Variants in MRRF observed in about 807,000 individuals in gnomAD.
MRRF encodes mitochondrial ribosome recycling factor.
MRRF carries 18 observed loss-of-function variants against 25.1 expected under a neutral mutation model. The ratio of observed to expected loss-of-function variants is 0.72; its 90% CI spans 0.50 to 1.06. The LOEUF (loss-of-function observed/expected upper bound fraction) is 1.06, where lower values mean the gene tolerates loss of function less well. MRRF is among the 50% of genes least tolerant of loss of function. MRRF has a pLI of 0.00. For missense variants in MRRF, 323 were observed against 319.3 expected, an observed-to-expected ratio of 1.01 and a Z score of -0.09; for synonymous variants, 113 against 112.1, an observed-to-expected ratio of 1.01 and a Z score of -0.05.
intron 6 of MRRF, among the ~76,000 whole-genome samples, chr9:122,322,308 A>G (rs1024688015): frequency 6.6e-6 from 1 of 151,976 alleles, no homozygotes; most frequent in Non-Finnish European, 1.5e-5. Context: ...GCTTGCAGTG[A>G]GCCGAGATTG....
At chr9:122,301,894 C>T (rs934939460) in intron 5 of MRRF, among the ~76,000 whole-genome samples, 12 of 151,718 alleles carry the variant, frequency 7.9e-5, no homozygotes, top group South Asian at 2.1e-4. Context: ...CCACCACACC[C>T]GGCTAATTTT....
chr9:122,317,915 T>C (rs1727474556), intron 6 of MRRF, among the ~76,000 whole-genome samples: 1 of 152,006 alleles, frequency 6.6e-6, no homozygotes. Flanking sequence ...AGGCAGGTAG[T>C]TCACAAAGTC....
At position 122,322,731 on chromosome 9, in the gene MRRF, C is replaced by G. The variant is rs1814891915; in HGVS notation, c.*114C>G. ...ACACAGAAGACTGTCACCATGCTGA[C>G]AGAAGCCTGTCCTTGTAAGGCCCAG... On this transcript the variant is annotated 3_prime_UTR_variant, in exon 7 of 7. Transcript: ENST00000344641. The G allele has an allele frequency of 2.4e-5, 22 of 925,928 alleles. No homozygotes were observed. In the South Asian group the frequency reaches 3.1e-4, roughly 13 times the overall value. 57.4% of individuals were successfully genotyped at this position (925,928 alleles called of 1,614,324 possible). A position where few individuals can be genotyped will look rare whatever the true frequency, so the allele number is the denominator to read the frequency against.
intron 5 of MRRF, among the ~76,000 whole-genome samples, chr9:122,306,955 T>C (rs1834885252): frequency 6.6e-6 from 1 of 152,138 alleles, no homozygotes; most frequent in Non-Finnish European, 1.5e-5. Flanking sequence ...AAATTACTAC[T>C]GGTATTAGAA....
At chr9:122,291,024 T>A (rs1376218773) in intron 4 of MRRF, among the ~76,000 whole-genome samples, 1 of 152,186 alleles carries the variant, frequency 6.6e-6, no homozygotes, top group Non-Finnish European at 1.5e-5. Context: ...TATTACTATG[T>A]CCCAGGCACA....
chr9:122,328,157 G>C lies in MRRF; in HGVS notation c.*5540G>C, dbSNP rs543481080. 120 of 152,186 alleles carry C rather than the reference G, an allele frequency of 7.9e-4. No homozygotes were observed. Among genetic ancestry groups the C allele is most frequent in the African/African-American group, 2.7e-3 (114 of 41,508 alleles). 9.4% of individuals were successfully genotyped at this position (152,186 alleles called of 1,614,324 possible). ...TGGCTAACTTTTAAAATTATTTGTA[G>C]AGACAAGGTCTTGGCTATGTTGCCC... is the stretch of plus-strand genomic sequence containing the variant. On this transcript the variant is annotated 3_prime_UTR_variant, in exon 7 of 7. Transcript: ENST00000344641.
chr9:122,285,682 C>A, intron 4 of MRRF: 2 of 1,039,998 alleles, frequency 1.9e-6, no homozygotes, highest in Non-Finnish European at 2.5e-6. Context: ...TTACCTGATA[C>A]TACGATTTTT....
chr9:122,319,984 C>T (rs1463395987), intron 6 of MRRF, among the ~76,000 whole-genome samples: 1 of 151,154 alleles, frequency 6.6e-6, no homozygotes, highest in Non-Finnish European at 1.5e-5. Flanking sequence ...AAGCTATCCT[C>T]CCATCTCAGC....
At chr9:122,312,386 GTTCAC>G (rs111691637) in intron 5 of MRRF, among the ~76,000 whole-genome samples, 3 of 152,188 alleles carry the variant, frequency 2.0e-5, no homozygotes, top group Admixed American at 6.5e-5. Context: ...AAATACAACT[GTTCAC>G]TTCAGAGCTT....
At chr9:122,267,924 AAG>A (rs1477736167) in intron 1 of MRRF, among the ~76,000 whole-genome samples, 3 of 152,216 alleles carry the variant, frequency 2.0e-5, no homozygotes, top group Non-Finnish European at 4.4e-5. Context: ...TGACCTCCCC[AAG>A]GTCACACAGC....
chr9:122,274,868 T>C (rs1051421624), intron 2 of MRRF, among the ~76,000 whole-genome samples: 3 of 152,068 alleles, frequency 2.0e-5, no homozygotes, highest in Non-Finnish European at 2.9e-5. Flanking sequence ...TTTTGATCTC[T>C]CTTTTTTGCA....
intron 6 of MRRF, 144 bp downstream of exon 6, chr9:122,313,530 T>A: frequency 1.0e-6 from 1 of 971,654 alleles, no homozygotes; most frequent in Non-Finnish European, 1.6e-6. Context: ...GTTCTGGGCC[T>A]AGCCTAATGC....
intron 4 of MRRF, among the ~76,000 whole-genome samples, chr9:122,287,745 T>C (rs1278373764): frequency 2.0e-5 from 3 of 152,226 alleles, no homozygotes; most frequent in Non-Finnish European, 4.4e-5. Flanking sequence ...TGAAATTCCA[T>C]GGGTTTTGAA....
At position 122,331,132 on chromosome 9, in the gene MRRF, G is replaced by C. The variant is rs1337837725; in HGVS notation, c.*8515G>C. ...GTCTCTCCACTTCTCTGTGGGAAAG[G>C]CTTGGGCAAGTTCTCTGGTTTCCAA... On this transcript the variant is annotated 3_prime_UTR_variant, in exon 7 of 7. Coordinates refer to ENST00000344641, the MANE Select transcript of MRRF (RefSeq NM_138777.5). 2 of 152,192 alleles carry C rather than the reference G, an allele frequency of 1.3e-5. No homozygotes were observed. The highest frequency in any genetic ancestry group is 1.3e-4 in the Admixed American group (2 of 15,270). The allele number at this position is 152,192 out of a possible 1,614,324, so 9.4% of individuals were successfully genotyped here. A position where few individuals can be genotyped will look rare whatever the true frequency, so the allele number is the denominator to read the frequency against.
intron 6 of MRRF, 123 bp from the exon 7 acceptor site, chr9:122,322,417 C>A: frequency 1.2e-6 from 1 of 859,988 alleles, no homozygotes; most frequent in Non-Finnish European, 1.9e-6. Context: ...CTGACTGGTA[C>A]TTAATGTGAA....
intron 1 of MRRF, chr9:122,265,667 C>A: frequency 1.1e-6 from 1 of 901,062 alleles, no homozygotes; most frequent in Non-Finnish European, 1.6e-6. Flanking sequence ...GAAACAAAAT[C>A]TACGTAGGAG....
intron 5 of MRRF, among the ~76,000 whole-genome samples, chr9:122,303,743 G>A (rs1475774945): frequency 6.6e-6 from 1 of 152,220 alleles, no homozygotes; most frequent in African/African-American, 2.4e-5. Flanking sequence ...GGATCCGAAA[G>A]TTTAAGTAAC....
intron 6 of MRRF, among the ~76,000 whole-genome samples, chr9:122,316,111 C>T (rs921182627): frequency 3.9e-5 from 6 of 152,040 alleles, no homozygotes; most frequent in Non-Finnish European, 7.4e-5. Context: ...TCTCTCGAAA[C>T]AAGAAAAAGT....
chr9:122,288,109 T>C (rs1458470276), intron 4 of MRRF, among the ~76,000 whole-genome samples: 1 of 152,232 alleles, frequency 6.6e-6, no homozygotes, highest in Non-Finnish European at 1.5e-5. Flanking sequence ...TTGTTTAACA[T>C]GTGTCCTGCT....
Sources: allele counts gnomAD v4.1 joint callset (sites outside exome capture counted in the v4.1 genomes callset), GRCh38; gene constraint gnomAD v4.1.1; transcripts MANE v1.5; gene names NCBI Gene and HGNC (gene_info 2026-07-23, HGNC 2026-07-21).